WWOX: variants seen among roughly 807,000 people sequenced by gnomAD.
WWOX encodes the protein WW domain-containing oxidoreductase.
In WWOX, 69 loss-of-function variants were observed where a neutral mutation model predicts 46.2. The ratio of observed to expected loss-of-function variants is 1.49; its 90% CI spans 1.23 to 1.82. The LOEUF (loss-of-function observed/expected upper bound fraction) is 1.82. WWOX is among the 40% of genes most tolerant of loss of function. The pLI is 0.00. For missense variants in WWOX, 919 were observed against 542.6 expected (o/e 1.69, Z -6.89); for synonymous variants, 359 against 202.6 (o/e 1.77, Z -6.56).
intron 8 of WWOX, among the ~76,000 whole-genome samples, chr16:79,058,157 T>C (rs1231539468): frequency 1.3e-5 from 2 of 151,648 alleles, no homozygotes; most frequent in Non-Finnish European, 2.9e-5. Context: ...TCTTCATTTG[T>C]TATAGTTCCA....
chr16:78,542,429 C>T (rs746570200), intron 8 of WWOX, among the ~76,000 whole-genome samples: 1 of 152,078 alleles, frequency 6.6e-6, no homozygotes, highest in Non-Finnish European at 1.5e-5. Context: ...CAGCCTAGTC[C>T]CCCAGTTTGC....
chr16:78,881,632 T>C (rs2044345532), intron 8 of WWOX, among the ~76,000 whole-genome samples: 1 of 152,206 alleles, frequency 6.6e-6, no homozygotes, highest in Admixed American at 6.5e-5. Flanking sequence ...TGCTTTGTAT[T>C]ACATTCTTCT....
intron 8 of WWOX, among the ~76,000 whole-genome samples, chr16:78,976,323 A>G (rs2046571793): frequency 6.6e-6 from 1 of 152,214 alleles, no homozygotes; most frequent in African/African-American, 2.4e-5. Flanking sequence ...TGAAATGAGA[A>G]CCGATGAAGC....
chr16:79,083,838 T>C (rs1302357441), intron 8 of WWOX, among the ~76,000 whole-genome samples: 1 of 152,240 alleles, frequency 6.6e-6, no homozygotes, highest in Non-Finnish European at 1.5e-5. Context: ...GGAGACTCTT[T>C]TGCCAGATGG....
intron 8 of WWOX, among the ~76,000 whole-genome samples, chr16:79,133,779 C>T (rs766852318): frequency 2.0e-5 from 3 of 152,004 alleles, no homozygotes; most frequent in Non-Finnish European, 2.9e-5. Context: ...CTTAACTAGG[C>T]GTATAGAATT....
At chr16:78,474,194 A>G (rs1005087948) in intron 8 of WWOX, among the ~76,000 whole-genome samples, 2 of 152,176 alleles carry the variant, frequency 1.3e-5, no homozygotes, top group African/African-American at 2.4e-5. Flanking sequence ...TCAAATTTTC[A>G]TTACTAACAC....
intron 8 of WWOX, among the ~76,000 whole-genome samples, chr16:78,573,861 A>G (rs1407185951): frequency 6.6e-6 from 1 of 152,254 alleles, no homozygotes; most frequent in Non-Finnish European, 1.5e-5. Flanking sequence ...TTTGCAGCTT[A>G]AAACAGCACA....
At chr16:78,901,991 C>A (rs1355028254) in intron 8 of WWOX, among the ~76,000 whole-genome samples, 1 of 152,122 alleles carries the variant, frequency 6.6e-6, no homozygotes, top group African/African-American at 2.4e-5. Context: ...GCAGATTTGC[C>A]TTAGGAAATG....
chr16:78,788,329 G>A (rs1205825313), intron 8 of WWOX, among the ~76,000 whole-genome samples: 1 of 152,202 alleles, frequency 6.6e-6, no homozygotes, highest in East Asian at 1.9e-4. Context: ...TATTGCCTGT[G>A]TTAGGCATCA....
intron 8 of WWOX, among the ~76,000 whole-genome samples, chr16:78,770,506 G>A (rs1239924484): frequency 6.6e-6 from 1 of 152,166 alleles, no homozygotes; most frequent in Non-Finnish European, 1.5e-5. Context: ...CCCATTGGAT[G>A]GCAGAAAGGT....
chr16:78,107,318 T>C (rs1305097158), intron 1 of WWOX, among the ~76,000 whole-genome samples: 2 of 152,240 alleles, frequency 1.3e-5, no homozygotes, highest in African/African-American at 4.8e-5. Context: ...TTTTTAATTA[T>C]AACTTTGGGT....
intron 8 of WWOX, among the ~76,000 whole-genome samples, chr16:78,565,769 C>G (rs1025680270): frequency 2.6e-5 from 4 of 152,166 alleles, no homozygotes; most frequent in African/African-American, 7.2e-5. Flanking sequence ...ATCCTCCAGG[C>G]TATCCGCGGA....
At chr16:79,015,773 G>T (rs778167839) in intron 8 of WWOX, among the ~76,000 whole-genome samples, 5 of 151,864 alleles carry the variant, frequency 3.3e-5, no homozygotes, top group Non-Finnish European at 7.4e-5. Flanking sequence ...ATTTTTCTGA[G>T]ACAGACTGTC....
chr16:78,792,590 G>C (rs576016979), intron 8 of WWOX, among the ~76,000 whole-genome samples: 492 of 152,194 alleles, frequency 3.2e-3, no homozygotes, highest in Admixed American at 5.1e-3. Context: ...ACACTGGCTT[G>C]GATTGATTTT....
intron 8 of WWOX, among the ~76,000 whole-genome samples, chr16:78,697,019 A>G (rs903489169): frequency 2.0e-5 from 3 of 152,164 alleles, no homozygotes; most frequent in African/African-American, 7.2e-5. Context: ...GCTGAGTAGT[A>G]TTCCATTGTA....
At chr16:78,297,389 T>TC (rs2151864601) in intron 5 of WWOX, among the ~76,000 whole-genome samples, 1 of 152,168 alleles carries the variant, frequency 6.6e-6, no homozygotes, top group East Asian at 1.9e-4. Context: ...TCCAACAGCA[T>TC]CCCCCACAGC....
intron 8 of WWOX, among the ~76,000 whole-genome samples, chr16:78,732,753 G>T (rs1206227539): frequency 6.6e-6 from 1 of 152,084 alleles, no homozygotes; most frequent in Non-Finnish European, 1.5e-5. Flanking sequence ...TAAATAAGGG[G>T]AAATTGCATA....
chr16:78,639,035 C>T (rs886343108), intron 8 of WWOX, among the ~76,000 whole-genome samples: 2 of 152,100 alleles, frequency 1.3e-5, no homozygotes, highest in South Asian at 4.1e-4. Context: ...TTTTACCCGT[C>T]TTATGGGGGA....
intron 8 of WWOX, among the ~76,000 whole-genome samples, chr16:78,937,447 ACT>A (rs2045762467): frequency 1.4e-5 from 1 of 72,880 alleles, no homozygotes; most frequent in Non-Finnish European, 2.7e-5. Flanking sequence ...ATTTGTATTA[ACT>A]TTTTTTTTTT....
Sources: gnomAD v4.1 joint callset for allele counts (sites outside exome capture counted in the v4.1 genomes callset) on GRCh38, gnomAD v4.1.1 for gene constraint, MANE v1.5 for transcripts, NCBI Gene and HGNC (gene_info 2026-07-23, HGNC 2026-07-21) for gene names.